Variants in ODF2L observed in about 807,000 individuals in gnomAD.
The protein encoded by ODF2L is outer dense fiber of sperm tails 2 like.
A neutral mutation model predicts 86.3 loss-of-function variants in ODF2L; 76 were observed. The observed-to-expected ratio is 0.88, with a 90% CI of 0.73 to 1.07. The LOEUF is 1.07. Among genes scored for constraint, ODF2L ranks in the 50% least tolerant of loss-of-function variants. The pLI is 0.00. For synonymous variants in ODF2L, 241 were observed against 231.3 expected, an observed-to-expected ratio of 1.04 and a Z score of -0.38; for missense variants, 748 against 717.4, an observed-to-expected ratio of 1.04 and a Z score of -0.49.
intron 8 of ODF2L, among the ~76,000 whole-genome samples, chr1:86,372,757 A>C (rs1379477856): frequency 2.0e-5 from 3 of 152,210 alleles, no homozygotes; most frequent in Non-Finnish European, 4.4e-5. Context: ...GAGTGGATAA[A>C]GAAAATATGG....
intron 4 of ODF2L, 56 bp downstream of exon 4, chr1:86,384,620 A>G (rs1570428281): frequency 8.9e-7 from 1 of 1,117,864 alleles, no homozygotes; most frequent in Non-Finnish European, 1.2e-6. Flanking sequence ...AAAATAATGT[A>G]TCCTTCAAAT....
At chr1:86,349,013 A>C, downstream of ODF2L, 1 of 850,096 alleles carries the variant, frequency 1.2e-6, no homozygotes, top group Non-Finnish European at 1.6e-6. Flanking sequence ...CTCACATCTG[A>C]TGTGTTCATT....
At chr1:86,372,534 T>C in exon 9 of ODF2L, 2 of 1,497,240 alleles carry the variant, frequency 1.3e-6, no homozygotes, top group Non-Finnish European at 1.8e-6. Flanking sequence ...TCAGACAACT[T>C]GGCTTCCTAA....
chr1:86,387,525 A>T (rs1661038178), intron 1 of ODF2L, among the ~76,000 whole-genome samples: 1 of 152,214 alleles, frequency 6.6e-6, no homozygotes, highest in Admixed American at 6.5e-5. Flanking sequence ...AACAATAGCT[A>T]CAAAGGATAG....
intron 8 of ODF2L, among the ~76,000 whole-genome samples, chr1:86,374,124 TCTTTC>T (rs1660008085): frequency 6.6e-6 from 1 of 152,214 alleles, no homozygotes; most frequent in African/African-American, 2.4e-5. Context: ...GGTACTTCTT[TCTTTC>T]ATCATTCATC....
intron 15 of ODF2L, 32 bp from the exon 15 acceptor site, chr1:86,354,724 T>A (rs190415173): frequency 5.1e-6 from 8 of 1,562,542 alleles, no homozygotes; most frequent in Non-Finnish European, 8.8e-7. Flanking sequence ...TTTAAAATGT[T>A]AATGTGCAGA....
intron 7 of ODF2L, among the ~76,000 whole-genome samples, chr1:86,378,967 T>A (rs1660374897): frequency 6.6e-6 from 1 of 152,098 alleles, no homozygotes; most frequent in Admixed American, 6.5e-5. Flanking sequence ...TTATGAATGG[T>A]TTACAGCATC....
intron 12 of ODF2L, among the ~76,000 whole-genome samples, chr1:86,359,336 G>A (rs1022541861): frequency 5.3e-5 from 8 of 151,658 alleles, no homozygotes; most frequent in Admixed American, 3.3e-4. Context: ...TAACCAGCTG[G>A]AAGACCCTGA....
chr1:86,352,054 C>T (rs1010914862), exon 18 of ODF2L: 13 of 1,317,670 alleles, frequency 9.9e-6, no homozygotes, highest in South Asian at 2.5e-5. Flanking sequence ...TAAAGGTGAT[C>T]GACGTTTTGT....
chr1:86,352,068 G>T, exon 18 of ODF2L: 2 of 1,365,344 alleles, frequency 1.5e-6, no homozygotes, highest in South Asian at 4.1e-5. Flanking sequence ...GTTTTGTTCT[G>T]ACTAAGTTGT....
intron 11 of ODF2L, among the ~76,000 whole-genome samples, chr1:86,365,336 T>C (rs1558023592): frequency 6.6e-6 from 1 of 152,218 alleles, no homozygotes; most frequent in Non-Finnish European, 1.5e-5. Context: ...ACTAAATGAC[T>C]GATGTATTCT....
At chr1:86,381,917 T>C (rs1407056150) in intron 7 of ODF2L, 2 of 172,858 alleles carry the variant, frequency 1.2e-5, no homozygotes, top group Non-Finnish European at 2.4e-5. Flanking sequence ...ATGTTAACAA[T>C]GATTTTGGTA....
intron 8 of ODF2L, among the ~76,000 whole-genome samples, chr1:86,374,245 A>C (rs948491174): frequency 1.3e-5 from 2 of 152,208 alleles, no homozygotes; most frequent in Admixed American, 6.5e-5. Flanking sequence ...TATTGTTTTC[A>C]TATTTTGTAT....
intron 11 of ODF2L, among the ~76,000 whole-genome samples, chr1:86,362,433 C>T (rs1220969157): frequency 2.6e-5 from 4 of 150,992 alleles, no homozygotes; most frequent in African/African-American, 4.9e-5. Context: ...AGCTGAGAGG[C>T]GCACACCACC....
Position 86,354,280 on chromosome 1 carries a change from GATT to G in ODF2L, c.1767+247_1767+249del, listed in dbSNP as rs1210935049. On this transcript the variant is annotated intron_variant, in intron 16 of 17. Transcript: ENST00000317336. ...TGTATATAAAAAAGGTACAGGAGGAGATTATGTCTTCAAAGTGTTTTCCATCTC... is the reference window on the plus strand; with the variant it reads ...TGTATATAAAAAAGGTACAGGAGGAGATGTCTTCAAAGTGTTTTCCATCTC... Among the ~76,000 whole-genome samples the G allele has an allele frequency of 3.9e-5, 6 of 152,172 alleles. No homozygotes were observed. The East Asian group carries it at 1.2e-3, about 29-fold the overall frequency.
At chr1:86,395,166 T>A (rs546233888) in intron 1 of ODF2L, among the ~76,000 whole-genome samples, 101 of 152,304 alleles carry the variant, frequency 6.6e-4, no homozygotes, top group African/African-American at 2.4e-3. Context: ...TAACCTTAAC[T>A]CAGTTGCACT....
intron 3 of ODF2L, among the ~76,000 whole-genome samples, chr1:86,385,161 G>T (rs527922167): frequency 6.6e-6 from 1 of 152,058 alleles, no homozygotes; most frequent in South Asian, 2.1e-4. Context: ...TCTCTCAGAA[G>T]ATTTTAGTTT....
intron 13 of ODF2L, 54 bp downstream of exon 12, chr1:86,358,733 A>G (rs1445556637): frequency 1.2e-5 from 9 of 724,338 alleles, no homozygotes; most frequent in Admixed American, 6.5e-5. Context: ...TTTGTGTACT[A>G]TTCATAAAGT....
chr1:86,382,822 C>T, intron 6 of ODF2L, 109 bp downstream of exon 6: 1 of 661,624 alleles, frequency 1.5e-6, no homozygotes, highest in Admixed American at 2.9e-5. Flanking sequence ...TCTAGAATTT[C>T]AAAACACTTT....
Sources: gnomAD v4.1 joint callset for allele counts (sites outside exome capture counted in the v4.1 genomes callset) on GRCh38, gnomAD v4.1.1 for gene constraint, MANE v1.5 for transcripts, NCBI Gene and HGNC (gene_info 2026-07-23, HGNC 2026-07-21) for gene names.